The following CTNNB1 variants were observed in gnomAD, a reference collection of about 807,000 sequenced individuals.
The protein encoded by CTNNB1 is catenin beta 1, also known as catenin beta-1.
A neutral mutation model predicts 82.5 loss-of-function variants in CTNNB1; 6 were observed. That is an observed-to-expected ratio of 0.07 (90% CI 0.04 to 0.14). CTNNB1 has a LOEUF of 0.14. CTNNB1 is among the 10% of genes least tolerant of loss of function. The pLI, the probability that CTNNB1 is intolerant of heterozygous loss-of-function variation, is 1.00. For missense variants in CTNNB1, 529 were observed against 980.4 expected (o/e 0.54, Z 6.15); for synonymous variants, 312 against 329.7 (o/e 0.95, Z 0.58).
At chr3:41,235,576 A>G (rs910185942) in intron 10 of CTNNB1, 148 bp from the exon 11 acceptor site, 13 of 1,034,864 alleles carry the variant, frequency 1.3e-5, no homozygotes, top group African/African-American at 3.2e-5. Context: ...AGTGACATTC[A>G]AGTTAATGGA....
chr3:41,228,257 G>A (rs916757675), intron 7 of CTNNB1, among the ~76,000 whole-genome samples: 18 of 152,102 alleles, frequency 1.2e-4, no homozygotes, highest in Admixed American at 6.6e-5. Flanking sequence ...TTGCTGGATT[G>A]AATGGTAATT....
chr3:41,207,620 T>C (rs1330906243), intron 1 of CTNNB1, among the ~76,000 whole-genome samples: 1 of 152,238 alleles, frequency 6.6e-6, no homozygotes, highest in Non-Finnish European at 1.5e-5. Context: ...TTACTTTAGT[T>C]ACACTGGCTC....
chr3:41,202,936 C>A (rs2077565507), intron 1 of CTNNB1, among the ~76,000 whole-genome samples: 1 of 151,984 alleles, frequency 6.6e-6, no homozygotes, highest in African/African-American at 2.4e-5. Context: ...ACCCTGCTGT[C>A]CTTGAAGTAT....
intron 9 of CTNNB1, 119 bp from the exon 10 acceptor site, chr3:41,234,020 A>G (rs2078373569): frequency 6.8e-7 from 1 of 1,461,042 alleles, no homozygotes; most frequent in Admixed American, 1.7e-5. Flanking sequence ...AAGATTCTGA[A>G]ATGTTTGTGT....
chr3:41,236,675 C>T lies in CTNNB1; in HGVS notation c.2042C>T (p.Ser681Phe), dbSNP rs772401455. 1 of 1,614,118 alleles carries T rather than the reference C, an allele frequency of 6.2e-7. No individual in the cohort carries two copies. Among genetic ancestry groups the T allele is most frequent in the Non-Finnish European group, 8.5e-7 (1 of 1,179,954 alleles). ...CGGCTTTCAGTTGAGCTGACCAGCT[C>T]TCTCTTCAGAACAGAGCCAATGGCT... is the stretch of plus-strand genomic sequence containing the variant. ...KKRLSVELTS[S>F]LFRTEPMAWN... The change falls in exon 13 of 15, where the codon TCT becomes TTT. Residue 681 changes from serine (S) to phenylalanine (F), a missense_variant. Ser to Phe is a radical substitution (Grantham distance 155, BLOSUM62 -2). Around this residue, in one of 4 missense-constraint regions of CTNNB1, gnomAD observed 102 missense variants for 130.8 expected, o/e 0.78. Transcript: ENST00000349496.
rs754551228 is a variant in CTNNB1, at chr3:41,225,584, T to C, written c.734+12T>C. The C allele has an allele frequency of 2.5e-6, 4 of 1,614,088 alleles. No homozygotes were observed. The highest frequency in any genetic ancestry group is 2.5e-6 in the Non-Finnish European group (3 of 1,179,948). ...GTGAAAATGCTTGGGTAAGAAAACA[T>C]GTCAGAATGCTTGAAGCTAAAAAGT... On this transcript the variant is annotated intron_variant, in intron 5 of 14. Transcript: ENST00000349496. This position sits in a 1 kb window ranked among gnomAD's most constrained non-coding sequence, Gnocchi z 5.3.
In CTNNB1 at chr3:41,209,698, T is replaced by C. The variant is rs1327848665; in HGVS notation, c.-49+10028T>C. On this transcript the variant is annotated intron_variant, in intron 1 of 14. Transcript: ENST00000349496. ...TTACTATGATGAATACTGTAGGTAA[T>C]TGTAACATAAAGGTAGGTATTTTTA... Among the ~76,000 whole-genome samples the C allele has an allele frequency of 3.3e-5, 5 of 152,192 alleles. 1 individual carries two copies. The highest frequency in any genetic ancestry group is 1.2e-4 in the African/African-American group (5 of 41,432).
chr3:41,237,737 C>A, intron 13 of CTNNB1: 2 of 277,020 alleles, frequency 7.2e-6, no homozygotes. Flanking sequence ...ATATCTCTAG[C>A]ATGTAGAACA....
chr3:41,221,820 A>T (rs1012829277), intron 1 of CTNNB1: 2 of 152,050 alleles, frequency 1.3e-5, no homozygotes, highest in African/African-American at 4.8e-5. Context: ...TTTCTTCATA[A>T]TTCTTTCTGA....
intron 1 of CTNNB1, among the ~76,000 whole-genome samples, chr3:41,213,657 A>C (rs1427157896): frequency 6.6e-6 from 1 of 152,230 alleles, no homozygotes; most frequent in Non-Finnish European, 1.5e-5. Context: ...TTCTTATGGA[A>C]CAGAAATATC....
chr3:41,232,193 A>G (rs1052218096), intron 7 of CTNNB1, among the ~76,000 whole-genome samples: 6 of 152,140 alleles, frequency 3.9e-5, no homozygotes, highest in African/African-American at 1.4e-4. Flanking sequence ...AAGTCTCTGT[A>G]GGCCATTCTG....
chr3:41,233,999 GC>G, intron 9 of CTNNB1, 132 bp downstream of exon 9: 7 of 1,419,882 alleles, frequency 4.9e-6, no homozygotes, highest in Non-Finnish European at 6.9e-6. Flanking sequence ...AAGTATGGCT[GC>G]GATAGGGGTA....
At chr3:41,220,036 A>G (rs907687628) in intron 1 of CTNNB1, among the ~76,000 whole-genome samples, 2 of 152,170 alleles carry the variant, frequency 1.3e-5, no homozygotes, top group African/African-American at 2.4e-5. Flanking sequence ...CCAAAATGTC[A>G]TCATTTACTG....
Position 41,239,390 on chromosome 3 carries a change from C to CT in CTNNB1, c.*52dup, listed in dbSNP as rs1250181121. The stretch of plus-strand genomic sequence containing the variant: ...TTAAAAAGCCAGTTTGGGTAAAATA[C>CT]TTTTACTCTGCCTACAGAACTTCAG... On this transcript the variant is annotated 3_prime_UTR_variant, in exon 15 of 15. Coordinates refer to ENST00000349496, the MANE Select transcript of CTNNB1 (RefSeq NM_001904.4). The CT allele has an allele frequency of 6.6e-6, 10 of 1,509,892 alleles. No individual in the cohort carries two copies. The highest frequency in any genetic ancestry group is 1.8e-5 in the Admixed American group (1 of 54,370). 93.5% of individuals were successfully genotyped at this position (1,509,892 alleles called of 1,614,324 possible).
chr3:41,223,621 A>G (rs2078103872), intron 1 of CTNNB1, among the ~76,000 whole-genome samples: 2 of 152,166 alleles, frequency 1.3e-5, no homozygotes, highest in Admixed American at 1.3e-4. Context: ...CTGTTATCCA[A>G]AGGGGATCTG....
intron 10 of CTNNB1, 132 bp from the exon 11 acceptor site, chr3:41,235,589 CCTT>C (rs1324600641): frequency 1.1e-5 from 13 of 1,166,432 alleles, no homozygotes; most frequent in East Asian, 4.8e-5. Context: ...TTAATGGAAT[CCTT>C]CTTCCTTCCT....
At chr3:41,224,853 G>T in intron 3 of CTNNB1, 100 bp downstream of exon 3, 1 of 1,600,094 alleles carries the variant, frequency 6.2e-7, no homozygotes. Context: ...TTGTGGTGAA[G>T]AAAAGAGAGT....
intron 6 of CTNNB1, among the ~76,000 whole-genome samples, chr3:41,226,905 T>C (rs114024632): frequency 2.6e-5 from 4 of 152,326 alleles, no homozygotes; most frequent in African/African-American, 4.8e-5. Flanking sequence ...TACTCTTGCC[T>C]ACCAACATAG....
At chr3:41,223,865 A>AGG (rs567134586) in intron 1 of CTNNB1, 156 bp from the exon 2 acceptor site, 79 of 591,586 alleles carry the variant, frequency 1.3e-4, no homozygotes, top group Non-Finnish European at 2.1e-4. Flanking sequence ...AGGTGTCTGG[A>AGG]GGAGACCATG....
Sources: gnomAD v4.1 joint callset for allele counts (sites outside exome capture counted in the v4.1 genomes callset) on GRCh38, gnomAD v4.1.1 for gene constraint, gnomAD v4.1.1 regional missense constraint, Gnocchi (gnomAD v3.1) non-coding constraint, MANE v1.5 for transcripts, NCBI Gene and HGNC (gene_info 2026-07-23, HGNC 2026-07-21) for gene names.